Variants in PCDH11Y observed in about 807,000 individuals in gnomAD.
PCDH11Y encodes protocadherin 11 Y-linked, also known as protocadherin-11 Y-linked.
For synonymous variants in PCDH11Y, 9 were observed against 83.6 expected (o/e 0.11, Z 4.87); for missense variants, 12 against 224.8 (o/e 0.05, Z 6.05).
chrY:5,108,509 A>T (rs2052797536), downstream of PCDH11Y, among the ~76,000 whole-genome samples: 76 of 32,312 alleles, frequency 2.4e-3, no homozygotes, highest in Admixed American at 0.021. Context: ...GTACTTTGGG[A>T]GGCCAAGGCG....
Position 5,357,629 on chromosome Y carries a change from T to C in PCDH11Y, c.3130-143428T>C, listed in dbSNP as rs1602910786. The stretch of plus-strand genomic sequence containing the variant: ...CTGCATTTTAAAATTTTAAATTTCA[T>C]GTAAAATAATTTTATAATTAATGAC... On this transcript the variant is annotated intron_variant, in intron 2 of 4. Transcript: ENST00000400457. 5.8e-4 allele frequency among the ~76,000 whole-genome samples: 19 copies of C among 32,976 alleles called. No individual in the cohort carries two copies. The South Asian group carries it at 0.013, about 22-fold the overall frequency. The allele number at this position is 32,976 out of a possible 37,273, so 88.5% of individuals were successfully genotyped here.
chrY:5,698,417 C>G (rs2053574012), intron 4 of PCDH11Y, among the ~76,000 whole-genome samples: 1 of 32,507 alleles, frequency 3.1e-5, no homozygotes, highest in East Asian at 8.2e-4. Context: ...TGTTTTTCAA[C>G]TTGATTCCAT....
intron 2 of PCDH11Y, among the ~76,000 whole-genome samples, chrY:5,224,332 G>A: frequency 3.7e-5 from 1 of 26,910 alleles, no homozygotes; most frequent in Admixed American, 3.9e-4. Flanking sequence ...ATCTAGCATG[G>A]CATATTTTTC....
chrY:5,209,694 A>G (rs2052936381), intron 2 of PCDH11Y, among the ~76,000 whole-genome samples: 1 of 33,653 alleles, frequency 3.0e-5, no homozygotes, highest in Non-Finnish European at 7.3e-5. Context: ...CAGCAGTTCT[A>G]TGGGTTTTGT....
chrY:5,556,830 T>G, intron 3 of PCDH11Y, among the ~76,000 whole-genome samples: 1 of 32,664 alleles, frequency 3.1e-5, no homozygotes. Flanking sequence ...CTTGAGTTAA[T>G]TTTTGTATGT....
At position 5,327,345 on chromosome Y, in the gene PCDH11Y, C is replaced by T. The variant is rs71218292; in HGVS notation, c.3130-173712C>T. Among the ~76,000 whole-genome samples, 30 of 33,096 alleles carry T rather than the reference C, an allele frequency of 9.1e-4. No homozygotes were observed. In the East Asian group the frequency reaches 0.012, roughly 13 times the overall value. The allele number at this position is 33,096 out of a possible 37,273, so 88.8% of individuals were successfully genotyped here. ...AGGAGAGTATATGGGTTTGGCACCA[C>T]GGGGTGGATAGGCAAAACAATTTGG... On this transcript the variant is annotated intron_variant, in intron 2 of 4. Transcript: ENST00000400457.
At chrY:5,056,917 C>G (rs756126492) in exon 1 of PCDH11Y, 1 of 398,700 alleles carries the variant, frequency 2.5e-6, no homozygotes, top group Non-Finnish European at 3.5e-6. Context: ...AACAAACTGT[C>G]ACAAGTGTTT....
intron 4 of PCDH11Y, among the ~76,000 whole-genome samples, chrY:5,626,546 A>T (rs2124703142): frequency 3.1e-5 from 1 of 32,654 alleles, no homozygotes; most frequent in Admixed American, 2.9e-4. Flanking sequence ...GTTTAGGGCT[A>T]TAAAAGTTCC....
chrY:5,587,690 C>G, intron 4 of PCDH11Y, among the ~76,000 whole-genome samples: 1 of 32,162 alleles, frequency 3.1e-5, no homozygotes, highest in Non-Finnish European at 7.7e-5. Flanking sequence ...TAGTGACTTT[C>G]TTTGTCTCAT....
chrY:5,666,928 G>T (rs2053545199), intron 4 of PCDH11Y, among the ~76,000 whole-genome samples: 1 of 30,530 alleles, frequency 3.3e-5, no homozygotes, highest in African/African-American at 1.3e-4. Flanking sequence ...TTTTCTAATG[G>T]GCTTTTTCTT....
intron 1 of PCDH11Y, among the ~76,000 whole-genome samples, chrY:5,067,893 G>A: frequency 3.5e-5 from 1 of 28,706 alleles, no homozygotes; most frequent in Non-Finnish European, 8.2e-5. Context: ...GGCGCCTGTA[G>A]TCCCGGCTAC....
intron 2 of PCDH11Y, among the ~76,000 whole-genome samples, chrY:5,321,050 T>C: frequency 3.1e-5 from 1 of 32,654 alleles, no homozygotes; most frequent in Non-Finnish European, 7.5e-5. Context: ...TATATATGAA[T>C]ATATACACAT....
chrY:5,108,558 T>C (rs2052798092), downstream of PCDH11Y, among the ~76,000 whole-genome samples: 1 of 30,005 alleles, frequency 3.3e-5, no homozygotes, highest in Non-Finnish European at 7.9e-5. Context: ...CCATCCTGGC[T>C]AACACAGTGA....
chrY:5,331,161 A>T (rs1602906020), intron 2 of PCDH11Y, among the ~76,000 whole-genome samples: 52 of 34,132 alleles, frequency 1.5e-3, no homozygotes, highest in Non-Finnish European at 3.3e-3. Flanking sequence ...AAAAATTTTT[A>T]AAAGCCATAT....
chrY:5,554,938 G>T, intron 3 of PCDH11Y, among the ~76,000 whole-genome samples: 1 of 32,676 alleles, frequency 3.1e-5, no homozygotes, highest in African/African-American at 1.2e-4. Flanking sequence ...TGAGAAGAGG[G>T]TTACAGTCCT....
exon 3 of PCDH11Y, chrY:5,501,203 T>C: frequency 2.5e-6 from 1 of 395,882 alleles, no homozygotes; most frequent in South Asian, 3.0e-5. Flanking sequence ...ACTTTGATCG[T>C]GCTACACCCA....
At chrY:5,550,159 A>G in intron 3 of PCDH11Y, among the ~76,000 whole-genome samples, 1 of 32,418 alleles carries the variant, frequency 3.1e-5, no homozygotes, top group South Asian at 7.1e-4. Context: ...AAGGATAGAT[A>G]AATGATTGAG....
chrY:5,494,429 T>C, intron 2 of PCDH11Y, among the ~76,000 whole-genome samples: 1 of 32,400 alleles, frequency 3.1e-5, no homozygotes, highest in Non-Finnish European at 7.5e-5. Context: ...CCATTCTGAT[T>C]GAGCTGAAAT....
At chrY:5,635,977 A>G (rs2053517332) in intron 4 of PCDH11Y, among the ~76,000 whole-genome samples, 2 of 34,212 alleles carry the variant, frequency 5.8e-5, no homozygotes, top group East Asian at 1.6e-3. Flanking sequence ...AACAACCTCA[A>G]CCACAAACAC....
Sources: allele counts gnomAD v4.1 joint callset (sites outside exome capture counted in the v4.1 genomes callset), GRCh38; gene constraint gnomAD v4.1.1; transcripts MANE v1.5; gene names NCBI Gene and HGNC (gene_info 2026-07-23, HGNC 2026-07-21).